Variants in TSHR observed in about 807,000 individuals in gnomAD.
TSHR encodes the protein thyroid stimulating hormone receptor.
A neutral mutation model predicts 64.1 loss-of-function variants in TSHR; 51 were observed. That is an observed-to-expected ratio of 0.80 (90% confidence interval 0.64 to 1.01). TSHR has a LOEUF of 1.01. Ranked by LOEUF, TSHR falls within the 50% of genes least tolerant of loss-of-function variation. The pLI, the probability that TSHR is intolerant of heterozygous loss-of-function variation, is 0.00. For synonymous variants in TSHR, 361 were observed against 361.9 expected, an observed-to-expected ratio of 1.00 and a Z score of 0.03; for missense variants, 877 against 942.8, an observed-to-expected ratio of 0.93 and a Z score of 0.91.
intron 8 of TSHR, among the ~76,000 whole-genome samples, chr14:81,126,140 A>G (rs1314398225): frequency 6.6e-6 from 1 of 152,152 alleles, no homozygotes; most frequent in Non-Finnish European, 1.5e-5. Flanking sequence ...AAAAGAATTA[A>G]TACATTAAAT....
intron 1 of TSHR, among the ~76,000 whole-genome samples, chr14:81,021,602 G>A (rs1883755827): frequency 6.6e-6 from 1 of 152,138 alleles, no homozygotes; most frequent in Non-Finnish European, 1.5e-5. Context: ...TAGGTTTGTT[G>A]TTAGATACTG....
chr14:81,002,781 C>CTTTTTTTTTTTTTTTTTTTTT (rs1174635270), intron 1 of TSHR, among the ~76,000 whole-genome samples: 9 of 44,324 alleles, frequency 2.0e-4, no homozygotes, highest in African/African-American at 2.9e-4. Context: ...CCTAATGCCT[C>CTTTTTTTTTTTTTTTTTTTTT]TTTTTTTTTT....
chr14:80,997,227 A>T (rs1049984243), intron 1 of TSHR, among the ~76,000 whole-genome samples: 4 of 152,214 alleles, frequency 2.6e-5, no homozygotes, highest in Non-Finnish European at 2.9e-5. Context: ...CATGCTTTTC[A>T]TCTGTGTTGG....
chr14:81,015,306 G>A (rs1404319196), intron 1 of TSHR, among the ~76,000 whole-genome samples: 4 of 152,106 alleles, frequency 2.6e-5, no homozygotes, highest in Non-Finnish European at 4.4e-5. Context: ...TGATACTTAT[G>A]TTTTGTGGCA....
At chr14:81,061,577 AG>A (rs1886245814) in intron 1 of TSHR, among the ~76,000 whole-genome samples, 1 of 152,112 alleles carries the variant, frequency 6.6e-6, no homozygotes, top group South Asian at 2.1e-4. Context: ...CTCACTTATA[AG>A]TGAGAGCTAA....
chr14:81,104,290 G>C, intron 7 of TSHR: 1 of 985,382 alleles, frequency 1.0e-6, no homozygotes, highest in Non-Finnish European at 1.2e-6. Flanking sequence ...GCAACGCTGT[G>C]GGAGGAAAAC....
At chr14:81,005,932 C>A (rs186760236) in intron 1 of TSHR, among the ~76,000 whole-genome samples, 1 of 152,246 alleles carries the variant, frequency 6.6e-6, no homozygotes, top group East Asian at 1.9e-4. Flanking sequence ...ATGATACTAA[C>A]CCTAAGAAAT....
rs2234919 is a variant in TSHR, at chr14:80,955,834, C to G, written c.154C>G (p.Pro52Ala). The G allele has an allele frequency of 3.1e-6, 5 of 1,614,170 alleles. No individual in the cohort carries two copies. In the South Asian group the frequency reaches 5.5e-5, roughly 18 times the overall value. Residue 52 changes from proline to alanine, a missense_variant, in exon 1 of 10, where the codon CCC becomes GCC. By Grantham distance (27) the Pro-to-Ala change is conservative. Transcript: ENST00000298171. Reference sequence around the variant, plus strand: ...TATTCAACGCATCCCCAGCTTACCGCCCAGTACGCAGACTCTGTGAGTACC... The same window carrying G: ...TATTCAACGCATCCCCAGCTTACCGGCCAGTACGCAGACTCTGTGAGTACC... ...KDIQRIPSLP[P>A]STQTLKLIET...
chr14:80,996,465 T>C (rs1449101788), intron 1 of TSHR, among the ~76,000 whole-genome samples: 1 of 152,192 alleles, frequency 6.6e-6, no homozygotes, highest in African/African-American at 2.4e-5. Context: ...TGAATCACTT[T>C]GCTCTGTCAG....
At chr14:81,115,981 G>A (rs1004918993) in intron 8 of TSHR, among the ~76,000 whole-genome samples, 10 of 152,196 alleles carry the variant, frequency 6.6e-5, no homozygotes, top group Middle Eastern at 3.4e-3. Flanking sequence ...AGCAAATGCT[G>A]AGAGATTTTC....
chr14:80,969,848 T>C (rs967807583), intron 1 of TSHR, among the ~76,000 whole-genome samples: 3 of 152,230 alleles, frequency 2.0e-5, no homozygotes, highest in African/African-American at 7.2e-5. Flanking sequence ...TAGCCATATT[T>C]GTTTCCTAGA....
chr14:81,121,227 A>G (rs537490258), intron 8 of TSHR, among the ~76,000 whole-genome samples: 5 of 152,232 alleles, frequency 3.3e-5, no homozygotes, highest in South Asian at 4.2e-4. Context: ...CATGAAATCA[A>G]TGGGATAAAA....
intron 9 of TSHR, among the ~76,000 whole-genome samples, chr14:81,140,179 T>G (rs1472331977): frequency 6.6e-6 from 1 of 152,134 alleles, no homozygotes; most frequent in Non-Finnish European, 1.5e-5. Flanking sequence ...GGTTTCCAGG[T>G]ACAATTCAGA....
At chr14:81,059,587 A>G (rs557532673) in intron 1 of TSHR, among the ~76,000 whole-genome samples, 2 of 152,296 alleles carry the variant, frequency 1.3e-5, no homozygotes, top group African/African-American at 4.8e-5. Flanking sequence ...CATGATATTA[A>G]CTGAATTTAT....
At chr14:81,035,380 A>T (rs1380192362) in intron 1 of TSHR, among the ~76,000 whole-genome samples, 1 of 152,186 alleles carries the variant, frequency 6.6e-6, no homozygotes, top group Non-Finnish European at 1.5e-5. Flanking sequence ...TGGACAAGTC[A>T]TGTGGTAACC....
chr14:81,060,835 A>G (rs564025918), intron 1 of TSHR, among the ~76,000 whole-genome samples: 1 of 152,274 alleles, frequency 6.6e-6, no homozygotes, highest in Non-Finnish European at 1.5e-5. Flanking sequence ...CTTTTTGCCA[A>G]GTTAATACAC....
In TSHR at chr14:80,955,741, G is replaced by A. The variant is rs1006500286; in HGVS notation, c.61G>A (p.Gly21Arg). 1.4e-5 allele frequency: 23 copies of A among 1,614,060 alleles called. No homozygotes were observed. Among genetic ancestry groups the A allele is most frequent in the Non-Finnish European group, 1.9e-5 (23 of 1,180,034 alleles). Residue 21 changes from glycine to arginine, a missense_variant, in exon 1 of 10, where the codon GGA becomes AGA. Gly to Arg is a moderately radical substitution (Grantham distance 125). Coordinates refer to ENST00000298171, the MANE Select transcript of TSHR (RefSeq NM_000369.5). The stretch of plus-strand genomic sequence containing the variant: ...GCTCGACCTGCCCAGGGACCTGGGC[G>A]GAATGGGGTGTTCGTCTCCACCCTG... ...LLLDLPRDLG[G>R]MGCSSPPCEC...
intron 1 of TSHR, among the ~76,000 whole-genome samples, chr14:81,054,964 C>A (rs184519952): frequency 1.6e-4 from 25 of 152,240 alleles, no homozygotes; most frequent in South Asian, 2.1e-4. Context: ...ATCCCCAAGA[C>A]AATGGGAAAA....
chr14:81,065,291 C>T (rs1886532063), intron 2 of TSHR, among the ~76,000 whole-genome samples: 1 of 152,116 alleles, frequency 6.6e-6, no homozygotes, highest in Admixed American at 6.5e-5. Context: ...TTAGCTGTCT[C>T]AGTTGTAGGA....
Sources: allele counts gnomAD v4.1 joint callset (sites outside exome capture counted in the v4.1 genomes callset), GRCh38; gene constraint gnomAD v4.1.1; transcripts MANE v1.5; gene names NCBI Gene and HGNC (gene_info 2026-07-23, HGNC 2026-07-21).